Variants in FNDC3B observed in about 807,000 individuals in gnomAD.
The protein encoded by FNDC3B is fibronectin type III domain-containing protein 3B.
FNDC3B carries 12 observed loss-of-function variants against 151.5 expected under a neutral mutation model. That is an observed-to-expected ratio of 0.08 (90% CI 0.05 to 0.13). The LOEUF (loss-of-function observed/expected upper bound fraction) is 0.13, where lower values mean the gene tolerates loss of function less well. Ranked by LOEUF, FNDC3B falls within the 10% of genes least tolerant of loss-of-function variation. FNDC3B has a pLI of 1.00. For missense variants in FNDC3B, 1,214 were observed against 1,505.3 expected (o/e 0.81, Z 3.20); for synonymous variants, 528 against 549.0 (o/e 0.96, Z 0.54).
At chr3:172,144,110 A>G (rs1386733811) in intron 3 of FNDC3B, among the ~76,000 whole-genome samples, 2 of 152,104 alleles carry the variant, frequency 1.3e-5, no homozygotes, top group African/African-American at 4.8e-5. Flanking sequence ...GAGGGCCTCA[A>G]AGAACTTACA....
chr3:172,070,614 C>T (rs917713247), intron 1 of FNDC3B, among the ~76,000 whole-genome samples: 2 of 152,194 alleles, frequency 1.3e-5, no homozygotes, highest in African/African-American at 4.8e-5. Flanking sequence ...ACATATTTAG[C>T]ATTTACCTTT....
chr3:172,380,455 C>T (rs1389572699), intron 24 of FNDC3B, among the ~76,000 whole-genome samples: 1 of 152,194 alleles, frequency 6.6e-6, no homozygotes, highest in African/African-American at 2.4e-5. Context: ...GCTCCTCAAA[C>T]TTTCCTTAGA....
At chr3:172,387,797 C>T (rs1311291353) in intron 25 of FNDC3B, among the ~76,000 whole-genome samples, 1 of 152,140 alleles carries the variant, frequency 6.6e-6, no homozygotes, top group Non-Finnish European at 1.5e-5. Flanking sequence ...AGTCAGTACT[C>T]TAAGAGTTTA....
At chr3:172,264,639 T>G (rs1728825509) in intron 6 of FNDC3B, among the ~76,000 whole-genome samples, 1 of 152,224 alleles carries the variant, frequency 6.6e-6, no homozygotes, top group Non-Finnish European at 1.5e-5. Flanking sequence ...CTTTCATTCA[T>G]TCATGTACTG....
In FNDC3B at chr3:172,307,384, C is replaced by G. The variant is rs756597691; in HGVS notation, c.1083C>G (p.Ser361=). 3 of 1,614,090 alleles carry G rather than the reference C, an allele frequency of 1.9e-6. No individual in the cohort carries two copies. The Admixed American group carries it at 5.0e-5, about 27-fold the overall frequency. Residue 361 remains serine, a synonymous_variant, in exon 10 of 26, where the codon TCC becomes TCG. Transcript: ENST00000415807. The part of the protein sequence containing the change: ...YHVRVYAMYN[S]VKGSCSEPVS... ...TCAGGGTGTATGCCATGTACAATTC[C>G]GTAAAGGGATCCTGCTCCGAGCCTG...
intron 4 of FNDC3B, 138 bp downstream of exon 4, chr3:172,227,085 C>G: frequency 1.6e-6 from 1 of 613,992 alleles, no homozygotes; most frequent in Non-Finnish European, 3.0e-6. Flanking sequence ...TTTTGTGGCA[C>G]CACATGGCGT....
chr3:172,378,967 G>T (rs2108368999), intron 24 of FNDC3B, among the ~76,000 whole-genome samples: 1 of 152,286 alleles, frequency 6.6e-6, no homozygotes, highest in African/African-American at 2.4e-5. Context: ...GCCCCTTAAT[G>T]GGATCAGGTA....
intron 1 of FNDC3B, among the ~76,000 whole-genome samples, chr3:172,057,647 T>C (rs1716980330): frequency 6.6e-6 from 1 of 151,864 alleles, no homozygotes; most frequent in South Asian, 2.1e-4. Context: ...AATGAGCTAG[T>C]GTTAGACTTT....
chr3:172,134,466 C>A, intron 3 of FNDC3B: 1 of 489,364 alleles, frequency 2.0e-6, no homozygotes, highest in Non-Finnish European at 4.1e-6. Context: ...ATTAATTGAA[C>A]TGGAATCTAA....
chr3:172,167,641 T>C (rs1169830788), intron 3 of FNDC3B, among the ~76,000 whole-genome samples: 2 of 152,170 alleles, frequency 1.3e-5, no homozygotes, highest in Non-Finnish European at 2.9e-5. Context: ...CCCCAAGCCC[T>C]GGGCCATGGA....
chr3:172,101,582 G>A (rs1201767527), intron 1 of FNDC3B, among the ~76,000 whole-genome samples: 1 of 152,144 alleles, frequency 6.6e-6, no homozygotes, highest in Non-Finnish European at 1.5e-5. Flanking sequence ...ATTAAAGGGA[G>A]AAGCCTTCAA....
intron 6 of FNDC3B, among the ~76,000 whole-genome samples, chr3:172,273,705 T>C (rs1212563369): frequency 1.3e-5 from 2 of 152,238 alleles, no homozygotes; most frequent in African/African-American, 4.8e-5. Flanking sequence ...TATTTAACAA[T>C]GGAATTAGTG....
At chr3:172,136,863 G>T (rs1255474835) in intron 3 of FNDC3B, among the ~76,000 whole-genome samples, 1 of 152,070 alleles carries the variant, frequency 6.6e-6, no homozygotes, top group Non-Finnish European at 1.5e-5. Flanking sequence ...GGGACTACAG[G>T]CACACGCCAC....
At chr3:172,272,102 G>A (rs1163515666) in intron 6 of FNDC3B, among the ~76,000 whole-genome samples, 3 of 152,100 alleles carry the variant, frequency 2.0e-5, no homozygotes, top group Non-Finnish European at 4.4e-5. Context: ...CTAAAAATAT[G>A]GAGAGATTAT....
intron 3 of FNDC3B, among the ~76,000 whole-genome samples, chr3:172,194,207 A>G (rs1370994416): frequency 6.6e-6 from 1 of 152,112 alleles, no homozygotes; most frequent in African/African-American, 2.4e-5. Flanking sequence ...GCAACAGAGC[A>G]AGACTCCATC....
At chr3:172,342,447 G>A (rs1385577815) in intron 17 of FNDC3B, among the ~76,000 whole-genome samples, 1 of 152,224 alleles carries the variant, frequency 6.6e-6, no homozygotes, top group African/African-American at 2.4e-5. Flanking sequence ...AGCTCTACCT[G>A]ATTTTCTCCC....
intron 3 of FNDC3B, among the ~76,000 whole-genome samples, chr3:172,137,776 A>T: frequency 6.6e-6 from 1 of 152,234 alleles, no homozygotes; most frequent in East Asian, 1.9e-4. Flanking sequence ...CCCATGAAAC[A>T]TGAATCATAG....
At chr3:172,114,053 C>G (rs1186050290) in intron 2 of FNDC3B, among the ~76,000 whole-genome samples, 4 of 152,178 alleles carry the variant, frequency 2.6e-5, no homozygotes, top group Admixed American at 2.6e-4. Context: ...AAAGCAGTCT[C>G]CACATAGATC....
intron 23 of FNDC3B, among the ~76,000 whole-genome samples, chr3:172,366,859 G>A (rs1734648274): frequency 1.3e-5 from 2 of 152,208 alleles, no homozygotes; most frequent in Non-Finnish European, 2.9e-5. Flanking sequence ...ACTTGAGATA[G>A]GATGGAAATT....
Sources: allele counts gnomAD v4.1 joint callset (sites outside exome capture counted in the v4.1 genomes callset), GRCh38; gene constraint gnomAD v4.1.1; transcripts MANE v1.5; gene names NCBI Gene and HGNC (gene_info 2026-07-23, HGNC 2026-07-21).